MRAP2: variants seen among roughly 807,000 people sequenced by gnomAD.
MRAP2 encodes melanocortin-2 receptor accessory protein 2.
In MRAP2, 20 loss-of-function variants were observed where a neutral mutation model predicts 17.4. The observed-to-expected ratio is 1.15, with a 90% CI of 0.81 to 1.67. MRAP2 has a LOEUF of 1.67. Among genes scored for constraint, MRAP2 ranks in the 40% most tolerant of loss-of-function variants. The pLI, the probability that MRAP2 is intolerant of heterozygous loss-of-function variation, is 0.00. For missense variants in MRAP2, 238 were observed against 240.0 expected, an observed-to-expected ratio of 0.99 and a Z score of 0.05; for synonymous variants, 96 against 88.4, an observed-to-expected ratio of 1.09 and a Z score of -0.48.
the MRAP2 span, among the ~76,000 whole-genome samples, chr6:84,136,321 A>G: frequency 6.6e-6 from 1 of 152,208 alleles, no homozygotes; most frequent in African/African-American, 2.4e-5. Context: ...GGACAGTCCA[A>G]ATGCATGGCA....
intron 3 of MRAP2, among the ~76,000 whole-genome samples, chr6:84,077,823 G>C (rs115918045): frequency 8.5e-5 from 13 of 152,104 alleles, no homozygotes; most frequent in African/African-American, 3.1e-4. Context: ...AATATGGAGC[G>C]TGTCTTCAAA....
At chr6:84,088,847 C>T (rs563210375) in intron 3 of MRAP2, among the ~76,000 whole-genome samples, 3 of 152,180 alleles carry the variant, frequency 2.0e-5, no homozygotes, top group Non-Finnish European at 4.4e-5. Context: ...AATTCCTCAG[C>T]AAGGTGTCTG....
rs113019540 is a variant in MRAP2 at position 84,040,985 on chromosome 6, G to A, written c.-8+7102G>A. On this transcript the variant is annotated intron_variant, in intron 1 of 3. Coordinates refer to ENST00000257776, the MANE Select transcript of MRAP2 (RefSeq NM_138409.4). Reference sequence around the variant, plus strand: ...GGGGAAAATGTCTCCAGGGCATGTCGGAGACCTTTGTAGCAGCTCCTCCCA... The same window carrying A: ...GGGGAAAATGTCTCCAGGGCATGTCAGAGACCTTTGTAGCAGCTCCTCCCA... Among the ~76,000 whole-genome samples, 986 of 152,276 alleles carry A rather than the reference G, an allele frequency of 6.5e-3. 17 individuals are homozygous for A. The highest frequency in any genetic ancestry group is 0.022 in the African/African-American group (915 of 41,548).
At chr6:84,065,043 T>G (rs1161423686) in intron 3 of MRAP2, among the ~76,000 whole-genome samples, 1 of 152,172 alleles carries the variant, frequency 6.6e-6, no homozygotes, top group African/African-American at 2.4e-5. Context: ...CCAACAGTTC[T>G]GGAGGTCGAA....
chr6:84,087,203 C>T lies in MRAP2; in HGVS notation c.228-1888C>T, dbSNP rs142757745. 1.1e-3 allele frequency among the ~76,000 whole-genome samples: 164 copies of T among 152,238 alleles called. 1 individual carries two copies. The highest frequency in any genetic ancestry group is 3.7e-3 in the African/African-American group (155 of 41,550). The stretch of plus-strand genomic sequence containing the variant: ...TCCATTTTAGGGAGACATGAGACAT[C>T]GATCAACATATGTAAGATGAACATT... On this transcript the variant is annotated intron_variant, in intron 3 of 3. Transcript: ENST00000257776.
intron 3 of MRAP2, among the ~76,000 whole-genome samples, chr6:84,075,324 A>C (rs2099497312): frequency 6.6e-6 from 1 of 152,228 alleles, no homozygotes; most frequent in South Asian, 2.1e-4. Flanking sequence ...ATTGGTGAGC[A>C]CTGAGAAGGT....
chr6:84,084,136 A>G (rs1424857743), intron 3 of MRAP2, among the ~76,000 whole-genome samples: 2 of 152,226 alleles, frequency 1.3e-5, no homozygotes, highest in Non-Finnish European at 2.9e-5. Flanking sequence ...TATTTTTAAT[A>G]TTTATATTTT....
At chr6:84,055,598 A>C (rs1009116104) in intron 2 of MRAP2, among the ~76,000 whole-genome samples, 153 bp downstream of exon 2, 11 of 152,142 alleles carry the variant, frequency 7.2e-5, no homozygotes, top group African/African-American at 2.7e-4. Flanking sequence ...GCCTCCACAC[A>C]TAGGCTGATT....
At chr6:84,038,618 A>G (rs1247195680) in intron 1 of MRAP2, among the ~76,000 whole-genome samples, 2 of 152,050 alleles carry the variant, frequency 1.3e-5, no homozygotes, top group East Asian at 3.9e-4. Context: ...CAGTCTCTCA[A>G]GTAGCTGGGA....
intron 1 of MRAP2, among the ~76,000 whole-genome samples, chr6:84,049,984 G>GTGTA (rs750424507): frequency 6.6e-6 from 1 of 151,000 alleles, no homozygotes; most frequent in African/African-American, 2.4e-5. Context: ...GTGCATTCAT[G>GTGTA]TGTGTGTGTG....
At chr6:84,098,851 T>C in the MRAP2 span, among the ~76,000 whole-genome samples, 5 of 152,176 alleles carry the variant, frequency 3.3e-5, no homozygotes, top group Non-Finnish European at 7.4e-5. Flanking sequence ...AAATATAAGT[T>C]ATTTATCAGA....
intron 2 of MRAP2, among the ~76,000 whole-genome samples, chr6:84,057,350 G>T (rs2099491945): frequency 6.6e-6 from 1 of 152,206 alleles, no homozygotes; most frequent in Non-Finnish European, 1.5e-5. Context: ...ACTCATTGCG[G>T]ACAGGAATGA....
chr6:84,108,934 C>A, the MRAP2 span, among the ~76,000 whole-genome samples: 1 of 152,118 alleles, frequency 6.6e-6, no homozygotes, highest in Non-Finnish European at 1.5e-5. Context: ...ATAAGGAATC[C>A]TTTCCCCCTG....
chr6:84,068,562 C>A (rs955459261), intron 3 of MRAP2, among the ~76,000 whole-genome samples: 5 of 152,024 alleles, frequency 3.3e-5, no homozygotes, highest in Non-Finnish European at 5.9e-5. Flanking sequence ...TGATTTCTTT[C>A]AGCAGTGTTT....
the MRAP2 span, among the ~76,000 whole-genome samples, chr6:84,137,295 G>A: frequency 2.0e-5 from 3 of 152,098 alleles, no homozygotes; most frequent in Non-Finnish European, 4.4e-5. Context: ...GACTCTAAAC[G>A]TTTACTTGAA....
chr6:84,094,961 G>C (rs1588668046), downstream of MRAP2, among the ~76,000 whole-genome samples: 1 of 152,174 alleles, frequency 6.6e-6, no homozygotes, highest in Admixed American at 6.5e-5. Context: ...AATCTAGTCA[G>C]TTTATATCAT....
chr6:84,059,590 A>G (rs1051456887), intron 2 of MRAP2, among the ~76,000 whole-genome samples: 5 of 152,164 alleles, frequency 3.3e-5, no homozygotes, highest in African/African-American at 1.2e-4. Flanking sequence ...AAATCATGTC[A>G]ACTTTCAGCT....
At chr6:84,054,728 T>C (rs2099491277) in intron 1 of MRAP2, among the ~76,000 whole-genome samples, 1 of 152,174 alleles carries the variant, frequency 6.6e-6, no homozygotes, top group Non-Finnish European at 1.5e-5. Context: ...CTTACAGAAC[T>C]CTCTGTCCTC....
chr6:84,125,185 A>T, the MRAP2 span: 1 of 1,613,700 alleles, frequency 6.2e-7, no homozygotes, highest in East Asian at 2.2e-5. Context: ...GAACTTCTCC[A>T]GCTCACGATT....
Sources: gnomAD v4.1 joint callset for allele counts (sites outside exome capture counted in the v4.1 genomes callset) on GRCh38, gnomAD v4.1.1 for gene constraint, MANE v1.5 for transcripts, NCBI Gene and HGNC (gene_info 2026-07-23, HGNC 2026-07-21) for gene names.